The following PCDH9 variants were observed in gnomAD, a reference collection of about 807,000 sequenced individuals.
PCDH9 encodes the protein protocadherin 9.
In PCDH9, 24 loss-of-function variants were observed where a neutral mutation model predicts 70.6. That is an observed-to-expected ratio of 0.34 (90% CI 0.25 to 0.48). The LOEUF (loss-of-function observed/expected upper bound fraction) is 0.48. Ranked by LOEUF, PCDH9 falls within the 20% of genes least tolerant of loss-of-function variation. The pLI is 0.99. For missense variants in PCDH9, 1,281 were observed against 1,503.6 expected (o/e 0.85, Z 2.45); for synonymous variants, 562 against 558.5 (o/e 1.01, Z -0.09).
intron 2 of PCDH9, among the ~76,000 whole-genome samples, chr13:66,989,180 G>T (rs1487212352): frequency 1.3e-5 from 2 of 151,872 alleles, no homozygotes; most frequent in Non-Finnish European, 2.9e-5. Context: ...TACAAATCAT[G>T]AATTCATTGT....
At chr13:67,038,245 C>A (rs1276998651) in intron 2 of PCDH9, among the ~76,000 whole-genome samples, 1 of 152,048 alleles carries the variant, frequency 6.6e-6, no homozygotes, top group Admixed American at 6.6e-5. Context: ...AAGGAAATAG[C>A]CTTTAACTTT....
At chr13:66,437,410 A>AAAAAAAAAAAAAAAAAAAAAC (rs1957891658) in intron 4 of PCDH9, among the ~76,000 whole-genome samples, 1 of 140,518 alleles carries the variant, frequency 7.1e-6, no homozygotes, top group African/African-American at 3.0e-5. Flanking sequence ...GTCTCAAAAA[A>AAAAAAAAAAAAAAAAAAAAAC]AAAAAAAAAA....
chr13:66,370,187 C>T (rs2138214089), intron 4 of PCDH9, among the ~76,000 whole-genome samples: 1 of 152,084 alleles, frequency 6.6e-6, no homozygotes, highest in Admixed American at 6.6e-5. Context: ...AAATCTTCTA[C>T]AAATCAGGAA....
At chr13:66,645,376 C>A (rs1370437798) in intron 3 of PCDH9, among the ~76,000 whole-genome samples, 1 of 151,910 alleles carries the variant, frequency 6.6e-6, no homozygotes, top group Non-Finnish European at 1.5e-5. Context: ...AGTTGAAAAT[C>A]AACAATTTGA....
chr13:66,916,654 C>T lies in PCDH9; in HGVS notation c.3037-13049G>A, dbSNP rs148872584. On this transcript the variant is annotated intron_variant, in intron 2 of 4. Coordinates refer to ENST00000377865, the MANE Select transcript of PCDH9 (RefSeq NM_203487.3). ...TAATTTATTCATATAACTTGGATCC[C>T]GTTGTGTTAATGGCTGATTGCGATC... 1.1e-3 allele frequency among the ~76,000 whole-genome samples: 171 copies of T among 151,524 alleles called. 1 individual carries two copies. Among genetic ancestry groups the T allele is most frequent in the African/African-American group, 3.9e-3 (160 of 41,434 alleles).
At chr13:66,931,582 A>G (rs2082809109) in intron 2 of PCDH9, among the ~76,000 whole-genome samples, 1 of 152,128 alleles carries the variant, frequency 6.6e-6, no homozygotes, top group Non-Finnish European at 1.5e-5. Context: ...GTGGGGGGGA[A>G]GGAAGTCAAA....
chr13:66,382,885 AGCCAGGCGTG>A (rs1956871964), intron 4 of PCDH9, among the ~76,000 whole-genome samples: 1 of 152,140 alleles, frequency 6.6e-6, no homozygotes, highest in African/African-American at 2.4e-5. Flanking sequence ...ACAAAAAATC[AGCCAGGCGTG>A]GTGGCGCATG....
chr13:67,107,427 G>A (rs1037748784), intron 2 of PCDH9, among the ~76,000 whole-genome samples: 2 of 152,138 alleles, frequency 1.3e-5, no homozygotes, highest in African/African-American at 2.4e-5. Flanking sequence ...CAGACTCACA[G>A]AGACATTGGG....
chr13:66,933,923 A>G (rs2082860324), intron 2 of PCDH9, among the ~76,000 whole-genome samples: 1 of 151,582 alleles, frequency 6.6e-6, no homozygotes, highest in Non-Finnish European at 1.5e-5. Flanking sequence ...CGGGGGGGCA[A>G]AAAAGAAACA....
intron 4 of PCDH9, among the ~76,000 whole-genome samples, chr13:66,544,658 T>C (rs1442803814): frequency 1.3e-5 from 2 of 152,014 alleles, no homozygotes; most frequent in Non-Finnish European, 2.9e-5. Context: ...TAAGGAGTGG[T>C]TTAATGTAAA....
intron 4 of PCDH9, among the ~76,000 whole-genome samples, chr13:66,337,019 T>A (rs1272843470): frequency 2.0e-5 from 3 of 152,020 alleles, no homozygotes; most frequent in African/African-American, 7.2e-5. Context: ...ATTTTTTTTC[T>A]TTCCCTTAGG....
chr13:66,665,612 G>T (rs2078085779), intron 3 of PCDH9, among the ~76,000 whole-genome samples: 1 of 152,016 alleles, frequency 6.6e-6, no homozygotes, highest in East Asian at 1.9e-4. Context: ...AACTTGCTTT[G>T]CTTTGCCTAT....
At chr13:66,484,324 T>A (rs1958900120) in intron 4 of PCDH9, among the ~76,000 whole-genome samples, 1 of 152,002 alleles carries the variant, frequency 6.6e-6, no homozygotes, top group Non-Finnish European at 1.5e-5. Flanking sequence ...CACCCCTAGA[T>A]ACATACTGCC....
At chr13:66,336,324 T>A (rs535630586) in intron 4 of PCDH9, among the ~76,000 whole-genome samples, 52 of 152,056 alleles carry the variant, frequency 3.4e-4, no homozygotes, top group Admixed American at 7.2e-4. Flanking sequence ...GTTTGGATGG[T>A]CAGAAGTGGG....
At chr13:66,444,438 T>G (rs1217714955) in intron 4 of PCDH9, among the ~76,000 whole-genome samples, 1 of 152,218 alleles carries the variant, frequency 6.6e-6, no homozygotes, top group African/African-American at 2.4e-5. Flanking sequence ...AAGTTATAAC[T>G]GTTAGAAAGC....
chr13:67,042,012 T>C (rs2085126643), intron 2 of PCDH9, among the ~76,000 whole-genome samples: 1 of 152,108 alleles, frequency 6.6e-6, no homozygotes, highest in Non-Finnish European at 1.5e-5. Flanking sequence ...CTCCATTCTC[T>C]CTTTCCTTGT....
chr13:66,850,747 T>A (rs1231119232), intron 3 of PCDH9, among the ~76,000 whole-genome samples: 1 of 152,354 alleles, frequency 6.6e-6, no homozygotes, highest in African/African-American at 2.4e-5. Flanking sequence ...TGACTGCAAA[T>A]TCTGACATGA....
At chr13:67,053,252 A>C (rs1333955134) in intron 2 of PCDH9, among the ~76,000 whole-genome samples, 2 of 152,222 alleles carry the variant, frequency 1.3e-5, no homozygotes, top group African/African-American at 2.4e-5. Context: ...AATAAATGCC[A>C]AATAAGTGCC....
At chr13:66,422,551 G>A (rs1957586532) in intron 4 of PCDH9, among the ~76,000 whole-genome samples, 1 of 152,160 alleles carries the variant, frequency 6.6e-6, no homozygotes, top group African/African-American at 2.4e-5. Context: ...ACTCCTGAAT[G>A]ACTGCTGGGT....
Sources: gnomAD v4.1 joint callset for allele counts (sites outside exome capture counted in the v4.1 genomes callset) on GRCh38, gnomAD v4.1.1 for gene constraint, MANE v1.5 for transcripts, NCBI Gene and HGNC (gene_info 2026-07-23, HGNC 2026-07-21) for gene names.